FAM174C: variants seen among roughly 807,000 people sequenced by gnomAD.
The protein encoded by FAM174C is protein FAM174C.
FAM174C carries 19 observed loss-of-function variants against 12.3 expected under a neutral mutation model. The ratio of observed to expected loss-of-function variants is 1.55; its 90% CI spans 1.08 to 2.27. The LOEUF is 2.27. FAM174C is among the 30% of genes most tolerant of loss of function. The pLI is 0.00. For synonymous variants in FAM174C, 147 were observed against 103.5 expected (o/e 1.42, Z -2.55); for missense variants, 239 against 190.2 (o/e 1.26, Z -1.51).
At position 1,275,557 on chromosome 19, in the gene FAM174C, C is replaced by T. The variant is rs1344874501; in HGVS notation, c.8C>T (p.Pro3Leu). 3 of 1,216,898 alleles carry T rather than the reference C, an allele frequency of 2.5e-6. No individual in the cohort carries two copies. The highest frequency in any genetic ancestry group is 1.6e-5 in the African/African-American group (1 of 63,294). The allele number at this position is 1,216,898 out of a possible 1,614,324, so 75.4% of individuals were successfully genotyped here. A position where few individuals can be genotyped will look rare whatever the true frequency, so the allele number is the denominator to read the frequency against. The change falls in exon 1 of 3, where the codon CCG (proline) becomes CTG (leucine). Residue 3 changes from proline to leucine, a missense_variant. Coordinates refer to ENST00000409293, the MANE Select transcript of FAM174C (RefSeq NM_017914.4). ...CACCGCTTCCGCCGGGCCATGGGGC[C>T]GCGCGTGCTGCAGCCGCCGCTGCTG... MG[P>L]RVLQPPLLLL...
chr19:1,276,056 C>T, intron 1 of FAM174C: 1 of 531,836 alleles, frequency 1.9e-6, no homozygotes, highest in Non-Finnish European at 3.3e-6. Context: ...GTTGGAGGTG[C>T]CCAGCGCGCC....
Position 1,278,967 on chromosome 19 carries a change from C to G in FAM174C, c.*190C>G. 3 of 1,612,702 alleles carry G rather than the reference C, an allele frequency of 1.9e-6. No homozygotes were observed. Among genetic ancestry groups the G allele is most frequent in the Non-Finnish European group, 2.5e-6 (3 of 1,179,936 alleles). On this transcript the variant is annotated 3_prime_UTR_variant, in exon 3 of 3. Transcript: ENST00000409293. Reference sequence around the variant, plus strand: ...GCCCGCCGACCTGTTGCCACCTGCACCCACCGCTGGACCATGCAGCCTCGC... The same window carrying G: ...GCCCGCCGACCTGTTGCCACCTGCAGCCACCGCTGGACCATGCAGCCTCGC...
rs150146771 is a variant in FAM174C at position 1,275,701 on chromosome 19, C to G, written c.152C>G (p.Pro51Arg). 6.7e-7 allele frequency: 1 copy of G among 1,487,904 alleles called. No homozygotes were observed. The highest frequency in any genetic ancestry group is 1.5e-5 in the African/African-American group (1 of 67,622). 92.2% of individuals were successfully genotyped at this position (1,487,904 alleles called of 1,614,324 possible). ...CCGGCCGTGACGAACGGGAGCCAGC[C>G]GGGCGCGCCACACAACAGCACGCAC... ...PPPAVTNGSQ[P>R]GAPHNSTHTR... Residue 51 changes from proline (P) to arginine (R), a missense_variant, in exon 1 of 3, where the codon CCG (proline) becomes CGG (arginine). Coordinates refer to ENST00000409293, the MANE Select transcript of FAM174C (RefSeq NM_017914.4).
In FAM174C at chr19:1,279,133, C is replaced by A. The variant is rs781766203; in HGVS notation, c.*356C>A. 2 of 1,613,036 alleles carry A rather than the reference C, an allele frequency of 1.2e-6. No individual in the cohort carries two copies. Among genetic ancestry groups the A allele is most frequent in the South Asian group, 2.2e-5 (2 of 91,092 alleles). On this transcript the variant is annotated 3_prime_UTR_variant, in exon 3 of 3. Transcript: ENST00000409293. ...CCTGCCCCCGTGGGGACATGGCAGC[C>A]CAGAGCCAAGGCTGGGTGGGCAGGT...
intron 1 of FAM174C, 79 bp from the exon 2 acceptor site, chr19:1,277,104 C>T (rs989692746): frequency 6.7e-6 from 10 of 1,484,992 alleles, no homozygotes; most frequent in South Asian, 1.3e-5. Flanking sequence ...CAGTAGAGGA[C>T]GGCAATGAGA....
Position 1,275,748 on chromosome 19 carries a change from G to T in FAM174C, c.199G>T (p.Gly67Cys). ...STHTRPPGAS[G>C]SALTRSFYVI... is the part of the protein sequence containing the mutation. ...GCACACGCGTCCGCCGGGGGCGTCG[G>T]GCTCGGCGCTGACGCGCTCCTTCTA... Residue 67 changes from glycine (G) to cysteine (C), a missense_variant, in exon 1 of 3, where the codon GGC (glycine) becomes TGC (cysteine). Transcript: ENST00000409293. The T allele has an allele frequency of 6.5e-7, 1 of 1,535,696 alleles. No homozygotes were observed. Among genetic ancestry groups the T allele is most frequent in the Non-Finnish European group, 8.7e-7 (1 of 1,144,748 alleles).
Position 1,279,223 on chromosome 19 carries a change from T to C in FAM174C, c.*446T>C, listed in dbSNP as rs1425137760. On this transcript the variant is annotated 3_prime_UTR_variant, in exon 3 of 3. Coordinates refer to ENST00000409293, the MANE Select transcript of FAM174C (RefSeq NM_017914.4). ...TGGGAACAATAAATGCAGCCATGTC[T>C]CTGCAGCTGGTGCTGACCCCATGCC... The C allele has an allele frequency of 1.2e-6, 2 of 1,600,718 alleles. No individual in the cohort carries two copies. Among genetic ancestry groups the C allele is most frequent in the South Asian group, 2.3e-5 (2 of 88,832 alleles).
chr19:1,277,039 A>G (rs2081418631), intron 1 of FAM174C, 144 bp from the exon 2 acceptor site: 1 of 1,278,138 alleles, frequency 7.8e-7, no homozygotes, highest in Non-Finnish European at 1.0e-6. Flanking sequence ...CGATTAGGAC[A>G]TGAAAGAAGC....
chr19:1,276,948 G>C (rs1441161991), intron 1 of FAM174C: 7 of 453,946 alleles, frequency 1.5e-5, no homozygotes, highest in African/African-American at 3.9e-5. Flanking sequence ...CTGGGGTCCT[G>C]GCGCAGGGGA....
rs2081419563 is a variant in FAM174C, at chr19:1,277,228, T to C, written c.327T>C (p.Thr109=). 6.5e-7 allele frequency: 1 copy of C among 1,549,724 alleles called. No homozygotes were observed. The change falls in exon 2 of 3, where the codon ACT becomes ACC. Residue 109 remains threonine, a synonymous_variant. Coordinates refer to ENST00000409293, the MANE Select transcript of FAM174C (RefSeq NM_017914.4). ...QRRRYGLLAN[T]EDPTEMASLD... is the part of the protein sequence containing the mutation. ...GGCGATACGGCCTCCTCGCCAACAC[T>C]GAGGACCCCACGGAGATGGCCTCGC...
chr19:1,277,345 C>T, intron 2 of FAM174C, 46 bp downstream of exon 2: 1 of 1,523,750 alleles, frequency 6.6e-7, no homozygotes, highest in South Asian at 1.2e-5. Flanking sequence ...GCAGGCTGGG[C>T]TGGAGACTCA....
intron 2 of FAM174C, among the ~76,000 whole-genome samples, chr19:1,277,666 G>A (rs1022480234): frequency 5.3e-5 from 8 of 152,068 alleles, no homozygotes; most frequent in African/African-American, 1.9e-4. Flanking sequence ...TAGAGATGGG[G>A]TTTCACCATG....
At position 1,279,111 on chromosome 19, in the gene FAM174C, G is replaced by GC. The variant is rs1417478224; in HGVS notation, c.*339dup. ...TGACTGTGACTTGTGCCTCTCTCCTGCCCCCGTGGGGACATGGCAGCCCAG... is the reference window on the plus strand; with the variant it reads ...TGACTGTGACTTGTGCCTCTCTCCTGCCCCCCGTGGGGACATGGCAGCCCAG... On this transcript the variant is annotated 3_prime_UTR_variant, in exon 3 of 3. Transcript: ENST00000409293. 2.5e-6 allele frequency: 4 copies of GC among 1,612,910 alleles called. No individual in the cohort carries two copies. The South Asian group carries it at 3.3e-5, about 13-fold the overall frequency.
chr19:1,278,028 G>A (rs781178043), intron 2 of FAM174C: 30 of 152,774 alleles, frequency 2.0e-4, no homozygotes, highest in Non-Finnish European at 4.2e-4. Flanking sequence ...GCCCGCTTCG[G>A]CCTCCCAAAG....
At position 1,275,566 on chromosome 19, in the gene FAM174C, T is replaced by C; in HGVS notation, c.17T>C (p.Leu6Pro). MGPRV[L>P]QPPLLLLLLA... Reference sequence around the variant, plus strand: ...CGCCGGGCCATGGGGCCGCGCGTGCTGCAGCCGCCGCTGCTGCTGCTCCTG... The same window carrying C: ...CGCCGGGCCATGGGGCCGCGCGTGCCGCAGCCGCCGCTGCTGCTGCTCCTG... The change falls in exon 1 of 3, where the codon CTG (leucine) becomes CCG (proline). Residue 6 changes from leucine (L) to proline (P), a missense_variant. Transcript: ENST00000409293. 4.1e-6 allele frequency: 5 copies of C among 1,220,504 alleles called. No individual in the cohort carries two copies. The highest frequency in any genetic ancestry group is 3.4e-5 in the East Asian group (1 of 29,756). The allele number at this position is 1,220,504 out of a possible 1,614,324, so 75.6% of individuals were successfully genotyped here.
chr19:1,279,145 CT>C lies in FAM174C; in HGVS notation c.*369del. On this transcript the variant is annotated 3_prime_UTR_variant, in exon 3 of 3. Transcript: ENST00000409293. ...GGGACATGGCAGCCCAGAGCCAAGG[CT>C]GGGTGGGCAGGTGACCCAAGGAACC... The C allele has an allele frequency of 6.2e-7, 1 of 1,613,048 alleles. No homozygotes were observed. Among genetic ancestry groups the C allele is most frequent in the Non-Finnish European group, 8.5e-7 (1 of 1,179,968 alleles).
rs1402312841 is a variant in FAM174C, at chr19:1,275,927, C to T, written c.281+97C>T. 5.8e-5 allele frequency: 55 copies of T among 944,842 alleles called. 1 individual carries two copies. The highest frequency in any genetic ancestry group is 5.3e-4 in the African/African-American group (31 of 58,782). The allele number at this position is 944,842 out of a possible 1,614,324, so 58.5% of individuals were successfully genotyped here. A position where few individuals can be genotyped will look rare whatever the true frequency, so the allele number is the denominator to read the frequency against. On this transcript the variant is annotated intron_variant, in intron 1 of 2. Coordinates refer to ENST00000409293, the MANE Select transcript of FAM174C (RefSeq NM_017914.4). ...GGGCCGCGGGGTCCTCCCCTCCCTC[C>T]CTCCCTCCCTCCCTCTCTCCCTGTT... is the stretch of plus-strand genomic sequence containing the variant.
chr19:1,277,554 T>TCCG (rs1322194952), intron 2 of FAM174C, among the ~76,000 whole-genome samples: 1 of 152,084 alleles, frequency 6.6e-6, no homozygotes, highest in Non-Finnish European at 1.5e-5. Flanking sequence ...CACTGCAACC[T>TCCG]CCGCCTCCGG....
At position 1,275,825 on chromosome 19, in the gene FAM174C, G is replaced by A. The variant is rs1216014408; in HGVS notation, c.276G>A (p.Ala92=). ...CCGCGCTCTACTTCCTGATCCGGGC[G>A]TTTAGGTGCGTCAGGCGCACGTGGG... is the stretch of plus-strand genomic sequence containing the variant. The part of the protein sequence containing the change: ...GLTALYFLIR[A]FRLKKPQRRR... The change falls in exon 1 of 3, where the codon GCG becomes GCA. Residue 92 remains alanine (A), a synonymous_variant. Coordinates refer to ENST00000409293, the MANE Select transcript of FAM174C (RefSeq NM_017914.4). The A allele has an allele frequency of 2.6e-6, 4 of 1,536,438 alleles. No individual in the cohort carries two copies. In the East Asian group the frequency reaches 9.8e-5, roughly 38 times the overall value.
Sources: gnomAD v4.1 joint callset for allele counts (sites outside exome capture counted in the v4.1 genomes callset) on GRCh38, gnomAD v4.1.1 for gene constraint, MANE v1.5 for transcripts, NCBI Gene and HGNC (gene_info 2026-07-23, HGNC 2026-07-21) for gene names.